PPP2CA: variants seen among roughly 807,000 people sequenced by gnomAD.
PPP2CA encodes protein phosphatase 2 catalytic subunit alpha.
A neutral mutation model predicts 38.8 loss-of-function variants in PPP2CA; 5 were observed. The ratio of observed to expected loss-of-function variants is 0.13; its 90% CI spans 0.07 to 0.27. The LOEUF is 0.27. PPP2CA is among the 10% of genes least tolerant of loss of function. PPP2CA has a pLI of 1.00. For missense variants in PPP2CA, 88 were observed against 389.7 expected, an observed-to-expected ratio of 0.23 and a Z score of 6.52; for synonymous variants, 152 against 134.0, an observed-to-expected ratio of 1.13 and a Z score of -0.93.
At chr5:134,208,811 T>C (rs1762139826) in intron 1 of PPP2CA, among the ~76,000 whole-genome samples, 1 of 152,182 alleles carries the variant, frequency 6.6e-6, no homozygotes, top group Non-Finnish European at 1.5e-5. Context: ...TAGTTTTCCT[T>C]TGCATTTTTA....
rs1302931343 is a variant in PPP2CA, at chr5:134,195,174, A to G, written c.*2598T>C. 1.3e-5 allele frequency: 2 copies of G among 152,234 alleles called. No individual in the cohort carries two copies. The highest frequency in any genetic ancestry group is 1.9e-4 in the East Asian group (1 of 5,198). 9.4% of individuals were successfully genotyped at this position (152,234 alleles called of 1,614,324 possible). On this transcript the variant is annotated 3_prime_UTR_variant, in exon 7 of 7. Transcript: ENST00000481195. ...TCTAGGATACTCAACCCAAGACATG[A>G]GCACATCATGTACAAATTCATTGTA...
At chr5:134,198,407 C>CA (rs1340377442) in intron 6 of PPP2CA, among the ~76,000 whole-genome samples, 2 of 144,608 alleles carry the variant, frequency 1.4e-5, no homozygotes, top group Non-Finnish European at 3.1e-5. Flanking sequence ...AACAAACAAA[C>CA]AACAAAAAAA....
chr5:134,204,186 A>G (rs957798115), intron 2 of PPP2CA, among the ~76,000 whole-genome samples: 2 of 152,254 alleles, frequency 1.3e-5, no homozygotes, highest in Non-Finnish European at 2.9e-5. Context: ...TAATATTAGG[A>G]AAGTCTGTGA....
In PPP2CA at chr5:134,197,017, T is replaced by G. The variant is rs1761866792; in HGVS notation, c.*755A>C. The G allele has an allele frequency of 6.6e-6, 1 of 152,646 alleles. No homozygotes were observed. Among genetic ancestry groups the G allele is most frequent in the Non-Finnish European group, 1.5e-5 (1 of 68,038 alleles). 9.5% of individuals were successfully genotyped at this position (152,646 alleles called of 1,614,324 possible). ...CCTACAAGTCTACAAATTCTAAAAT[T>G]TACTCAATTGATTTAACTTTTTTAA... On this transcript the variant is annotated 3_prime_UTR_variant, in exon 7 of 7. Transcript: ENST00000481195.
At chr5:134,211,267 A>G (rs1032952003) in intron 1 of PPP2CA, among the ~76,000 whole-genome samples, 3 of 151,838 alleles carry the variant, frequency 2.0e-5, no homozygotes, top group Non-Finnish European at 4.4e-5. Flanking sequence ...CTTATTACCA[A>G]TGTCCTCTCA....
chr5:134,224,137 T>C, intron 1 of PPP2CA: 2 of 339,928 alleles, frequency 5.9e-6, no homozygotes, highest in South Asian at 2.3e-5. Flanking sequence ...AAGTCTTTCA[T>C]ATAATGCACT....
intron 2 of PPP2CA, among the ~76,000 whole-genome samples, chr5:134,204,401 T>A (rs559548819): frequency 6.6e-6 from 1 of 152,252 alleles, no homozygotes; most frequent in East Asian, 1.9e-4. Context: ...AAAGCTACAA[T>A]TGGCATGTAA....
intron 2 of PPP2CA, chr5:134,203,568 A>G (rs1762012093): frequency 6.6e-6 from 1 of 152,188 alleles, no homozygotes; most frequent in African/African-American, 2.4e-5. Context: ...CTAATCTCTA[A>G]TAAGGATACC....
Position 134,197,765 on chromosome 5 carries a change from A to C in PPP2CA, c.*7T>G. The C allele has an allele frequency of 6.2e-7, 1 of 1,612,022 alleles. No individual in the cohort carries two copies. The highest frequency in any genetic ancestry group is 1.7e-4 in the Middle Eastern group (1 of 6,058). On this transcript the variant is annotated 3_prime_UTR_variant, in exon 7 of 7. Transcript: ENST00000481195. Reference sequence around the variant, plus strand: ...TCATGGCAATACTGTACAAGTTTAAAATTTCATTACAGGAAGTAGTCTGGG... The same window carrying C: ...TCATGGCAATACTGTACAAGTTTAACATTTCATTACAGGAAGTAGTCTGGG...
chr5:134,202,122 GAA>G (rs1188064185), intron 2 of PPP2CA, 101 bp from the exon 3 acceptor site: 7 of 1,188,062 alleles, frequency 5.9e-6, no homozygotes, highest in African/African-American at 1.6e-5. Flanking sequence ...CAATTTTGTT[GAA>G]AAAACAGCAC....
intron 1 of PPP2CA, among the ~76,000 whole-genome samples, chr5:134,208,242 A>G (rs191525526): frequency 1.3e-5 from 2 of 152,338 alleles, no homozygotes; most frequent in East Asian, 1.9e-4. Context: ...CTGCAAAGCT[A>G]TTCTCTGTAT....
intron 2 of PPP2CA, 98 bp from the exon 3 acceptor site, chr5:134,202,119 G>T (rs1761979889): frequency 9.3e-6 from 12 of 1,283,858 alleles, no homozygotes; most frequent in Non-Finnish European, 1.3e-5. Flanking sequence ...TTACAATTTT[G>T]TTGAAAAAAC....
intron 1 of PPP2CA, chr5:134,224,452 C>A (rs746320709): frequency 5.5e-6 from 2 of 363,012 alleles, no homozygotes; most frequent in Non-Finnish European, 1.1e-5. Context: ...GTCTTGGAAA[C>A]ATATACGTCA....
intron 1 of PPP2CA, among the ~76,000 whole-genome samples, chr5:134,208,028 A>G (rs1762119606): frequency 6.6e-6 from 1 of 152,158 alleles, no homozygotes; most frequent in African/African-American, 2.4e-5. Context: ...TTTTTTTAAC[A>G]CCTATCATAT....
At chr5:134,209,312 T>C (rs979304637) in intron 1 of PPP2CA, among the ~76,000 whole-genome samples, 2 of 152,038 alleles carry the variant, frequency 1.3e-5, no homozygotes, top group African/African-American at 2.4e-5. Context: ...AACTATTAAG[T>C]AGATCTTAAC....
intron 1 of PPP2CA, among the ~76,000 whole-genome samples, chr5:134,216,467 G>C (rs1762322471): frequency 6.6e-6 from 1 of 150,624 alleles, no homozygotes; most frequent in South Asian, 2.1e-4. Context: ...TTGAACCCAT[G>C]AGGCGGAGGT....
At chr5:134,215,620 G>T (rs997140273) in intron 1 of PPP2CA, among the ~76,000 whole-genome samples, 1 of 151,934 alleles carries the variant, frequency 6.6e-6, no homozygotes, top group Admixed American at 6.6e-5. Flanking sequence ...AAATTTTGTT[G>T]TAGAGACAGG....
chr5:134,215,666 C>A (rs1006152941), intron 1 of PPP2CA, among the ~76,000 whole-genome samples: 1 of 152,100 alleles, frequency 6.6e-6, no homozygotes, highest in South Asian at 2.1e-4. Flanking sequence ...CTTGAACTCC[C>A]GGGCTCAAGA....
chr5:134,197,989 C>T, intron 6 of PPP2CA, 145 bp from the exon 7 acceptor site: 1 of 681,464 alleles, frequency 1.5e-6, no homozygotes, highest in Admixed American at 2.2e-5. Context: ...TGATAATGGT[C>T]TGTTAACTGT....
Sources: gnomAD v4.1 joint callset for allele counts (sites outside exome capture counted in the v4.1 genomes callset) on GRCh38, gnomAD v4.1.1 for gene constraint, MANE v1.5 for transcripts, NCBI Gene and HGNC (gene_info 2026-07-23, HGNC 2026-07-21) for gene names.